Variants in ROBO2 observed in about 807,000 individuals in gnomAD.
ROBO2 encodes roundabout homolog 2.
In ROBO2, 53 loss-of-function variants were observed where a neutral mutation model predicts 160.8. That is an observed-to-expected ratio of 0.33 (90% confidence interval 0.26 to 0.41). ROBO2 has a LOEUF of 0.41. Ranked by LOEUF, ROBO2 falls within the 10% of genes least tolerant of loss-of-function variation. The pLI, the probability that ROBO2 is intolerant of heterozygous loss-of-function variation, is 1.00. For missense variants in ROBO2, 1,577 were observed against 1,722.4 expected (o/e 0.92, Z 1.49); for synonymous variants, 664 against 611.7 (o/e 1.09, Z -1.26).
chr3:77,554,915 G>C (rs1447344871), intron 8 of ROBO2, among the ~76,000 whole-genome samples: 1 of 151,938 alleles, frequency 6.6e-6, no homozygotes, highest in Non-Finnish European at 1.5e-5. Context: ...TTTTACTGTG[G>C]ATAAAATGCT....
chr3:75,994,238 C>A (rs147901618), intron 2 of ROBO2, among the ~76,000 whole-genome samples: 87 of 152,264 alleles, frequency 5.7e-4, no homozygotes, highest in African/African-American at 2.0e-3. Flanking sequence ...TATTCAGACT[C>A]CACCTTTGAA....
intron 2 of ROBO2, among the ~76,000 whole-genome samples, chr3:77,463,861 G>A (rs1392452504): frequency 6.6e-6 from 1 of 152,110 alleles, no homozygotes. Context: ...GGGATTATAG[G>A]CGTCAGCCAC....
chr3:76,463,398 T>C (rs1247619450), intron 2 of ROBO2, among the ~76,000 whole-genome samples: 2 of 151,030 alleles, frequency 1.3e-5, no homozygotes, highest in Non-Finnish European at 3.0e-5. Context: ...TAAAAAAAAC[T>C]ATAATTTTCA....
intron 1 of ROBO2, among the ~76,000 whole-genome samples, chr3:75,930,904 T>C (rs550769181): frequency 1.1e-4 from 17 of 152,360 alleles, no homozygotes; most frequent in Non-Finnish European, 2.1e-4. Context: ...GGCTCATCCT[T>C]AGTCAACCTA....
At chr3:76,723,255 TC>T (rs2093493888) in intron 2 of ROBO2, among the ~76,000 whole-genome samples, 1 of 152,160 alleles carries the variant, frequency 6.6e-6, no homozygotes, top group South Asian at 2.1e-4. Flanking sequence ...AAGGTAAGTT[TC>T]TATCAACTGA....
intron 2 of ROBO2, among the ~76,000 whole-genome samples, chr3:76,986,836 A>T (rs1481074897): frequency 6.6e-6 from 1 of 152,144 alleles, no homozygotes; most frequent in Non-Finnish European, 1.5e-5. Flanking sequence ...TCTTTAATTG[A>T]TATCTATTAT....
chr3:76,471,000 T>C (rs981571959), intron 2 of ROBO2, among the ~76,000 whole-genome samples: 4 of 147,674 alleles, frequency 2.7e-5, no homozygotes, highest in Non-Finnish European at 5.9e-5. Context: ...AGATGTTTTG[T>C]ATTTGTTTTT....
At chr3:77,584,385 G>T (rs1413405777) in intron 16 of ROBO2, among the ~76,000 whole-genome samples, 4 of 152,070 alleles carry the variant, frequency 2.6e-5, no homozygotes, top group Non-Finnish European at 4.4e-5. Flanking sequence ...TTGCTTGCCA[G>T]TGCCTTTAAA....
chr3:76,761,365 C>T (rs961048315), intron 2 of ROBO2, among the ~76,000 whole-genome samples: 22 of 151,694 alleles, frequency 1.5e-4, no homozygotes, highest in Admixed American at 1.2e-3. Flanking sequence ...GCAGGGTGAC[C>T]ATACATTCCA....
rs923467662 is a variant in ROBO2 at position 77,080,219 on chromosome 3, T to C, written c.62-17795T>C. ...GTAACTAGAAGGACAACACCGTAAGTCACGTACCTATTCAGCGGGTTCTAT... is the reference window on the plus strand; with the variant it reads ...GTAACTAGAAGGACAACACCGTAAGCCACGTACCTATTCAGCGGGTTCTAT... On this transcript the variant is annotated intron_variant, in intron 1 of 25. Coordinates refer to ENST00000461745, the Ensembl canonical transcript of ROBO2. Among the ~76,000 whole-genome samples, 11 of 152,230 alleles carry C rather than the reference T, an allele frequency of 7.2e-5. No homozygotes were observed. The East Asian group carries it at 2.1e-3, about 30-fold the overall frequency.
At chr3:76,844,892 A>T (rs1438500637) in intron 2 of ROBO2, among the ~76,000 whole-genome samples, 1 of 151,994 alleles carries the variant, frequency 6.6e-6, no homozygotes, top group African/African-American at 2.4e-5. Flanking sequence ...AGTATAAAGC[A>T]AAGTGAGGAC....
At chr3:77,182,639 A>G (rs2080893432) in intron 2 of ROBO2, among the ~76,000 whole-genome samples, 1 of 152,090 alleles carries the variant, frequency 6.6e-6, no homozygotes, top group Non-Finnish European at 1.5e-5. Flanking sequence ...ACTTAGACCT[A>G]GCAGGCCTAA....
chr3:76,507,516 A>C (rs1380002254), intron 2 of ROBO2, among the ~76,000 whole-genome samples: 4 of 152,248 alleles, frequency 2.6e-5, no homozygotes, highest in Middle Eastern at 3.4e-3. Context: ...TGTAATACTG[A>C]AGTTCCCTTT....
chr3:77,597,558 C>T (rs955979864), intron 19 of ROBO2, among the ~76,000 whole-genome samples: 5 of 151,982 alleles, frequency 3.3e-5, no homozygotes, highest in African/African-American at 7.3e-5. Context: ...GTGAGTTTTC[C>T]GTTGGTGGAA....
intron 2 of ROBO2, among the ~76,000 whole-genome samples, chr3:77,252,831 A>AAAAAAAAAAAAAAAAAATATATAT: frequency 8.0e-5 from 1 of 12,524 alleles, no homozygotes; most frequent in Admixed American, 2.1e-3. Context: ...AAAAAAAAAA[A>AAAAAAAAAAAAAAAAAATATATAT]ATATATATAT....
chr3:77,644,138 A>G (rs2095387591), intron 24 of ROBO2, among the ~76,000 whole-genome samples: 1 of 152,126 alleles, frequency 6.6e-6, no homozygotes, highest in Non-Finnish European at 1.5e-5. Context: ...AAAAATTAGC[A>G]TATTATTTAT....
intron 13 of ROBO2, among the ~76,000 whole-genome samples, chr3:77,571,614 C>CT (rs751039386): frequency 1.0e-3 from 157 of 152,058 alleles, no homozygotes; most frequent in Non-Finnish European, 1.2e-3. Context: ...TAAGACAACT[C>CT]TTTTTTTATT....
chr3:76,016,748 G>A (rs1387735755), intron 2 of ROBO2, among the ~76,000 whole-genome samples: 2 of 152,038 alleles, frequency 1.3e-5, no homozygotes, highest in East Asian at 3.9e-4. Context: ...GTGGGGACTC[G>A]TCTGCACCTA....
chr3:77,532,691 A>T (rs1445219515), intron 6 of ROBO2, among the ~76,000 whole-genome samples: 1 of 151,834 alleles, frequency 6.6e-6, no homozygotes, highest in Non-Finnish European at 1.5e-5. Flanking sequence ...TGCAATCATT[A>T]TATATTTCTT....
Sources: allele counts gnomAD v4.1 joint callset (sites outside exome capture counted in the v4.1 genomes callset), GRCh38; gene constraint gnomAD v4.1.1; transcripts MANE v1.5; gene names NCBI Gene and HGNC (gene_info 2026-07-23, HGNC 2026-07-21).